Variants in PLD5 observed in about 807,000 individuals in gnomAD.
PLD5 encodes phospholipase D family member 5, also known as inactive phospholipase D5.
A neutral mutation model predicts 61.1 loss-of-function variants in PLD5; 36 were observed. The observed-to-expected ratio is 0.59, with a 90% CI of 0.45 to 0.78. PLD5 has a LOEUF of 0.78. Among genes scored for constraint, PLD5 ranks in the 30% least tolerant of loss-of-function variants. The probability of loss-of-function intolerance (pLI) is 0.00; values close to 1 mark genes in which losing one functional copy is unlikely to be tolerated. For synonymous variants in PLD5, 243 were observed against 242.8 expected, an observed-to-expected ratio of 1.00 and a Z score of -0.01; for missense variants, 515 against 644.4, an observed-to-expected ratio of 0.80 and a Z score of 2.17.
At chr1:242,293,897 T>C (rs1675508842) in intron 2 of PLD5, among the ~76,000 whole-genome samples, 1 of 152,208 alleles carries the variant, frequency 6.6e-6, no homozygotes, top group Non-Finnish European at 1.5e-5. Flanking sequence ...TTGAAATGAC[T>C]TATTTCTGTG....
intron 1 of PLD5, among the ~76,000 whole-genome samples, chr1:242,433,300 A>G (rs753129497): frequency 6.6e-6 from 1 of 152,188 alleles, no homozygotes; most frequent in Non-Finnish European, 1.5e-5. Context: ...TTAAATATAT[A>G]GTGAAAAGTA....
chr1:242,262,005 GCAT>G (rs1368382938), intron 4 of PLD5, among the ~76,000 whole-genome samples: 2 of 152,082 alleles, frequency 1.3e-5, no homozygotes, highest in Non-Finnish European at 2.9e-5. Context: ...ATATGTGTAG[GCAT>G]CTGAAAGACA....
At chr1:242,151,534 G>A (rs146296885) in intron 5 of PLD5, among the ~76,000 whole-genome samples, 2 of 152,048 alleles carry the variant, frequency 1.3e-5, no homozygotes, top group African/African-American at 2.4e-5. Flanking sequence ...TCTAACTCTT[G>A]TCAATATTCC....
chr1:242,248,107 T>G (rs1376948959), intron 4 of PLD5, among the ~76,000 whole-genome samples: 1 of 152,264 alleles, frequency 6.6e-6, no homozygotes, highest in East Asian at 1.9e-4. Flanking sequence ...CATGGTTATA[T>G]GGTTATTATG....
chr1:242,168,739 T>C (rs944088600), intron 5 of PLD5, among the ~76,000 whole-genome samples: 2 of 152,056 alleles, frequency 1.3e-5, no homozygotes, highest in African/African-American at 2.4e-5. Context: ...ATGTGGTATA[T>C]GAAGTATGCG....
At chr1:242,294,994 A>G (rs1042712966) in intron 2 of PLD5, among the ~76,000 whole-genome samples, 1 of 152,224 alleles carries the variant, frequency 6.6e-6, no homozygotes, top group African/African-American at 2.4e-5. Context: ...ATGGCAGTCA[A>G]TGCACCGACA....
intron 1 of PLD5, among the ~76,000 whole-genome samples, chr1:242,363,701 G>C (rs1379703042): frequency 1.3e-5 from 2 of 151,940 alleles, no homozygotes; most frequent in African/African-American, 4.8e-5. Context: ...AGATTAGTAG[G>C]CACAGATATT....
intron 1 of PLD5, among the ~76,000 whole-genome samples, chr1:242,432,893 TAC>T (rs1665794410): frequency 6.6e-6 from 1 of 152,174 alleles, no homozygotes; most frequent in Non-Finnish European, 1.5e-5. Context: ...GACCAAGAGA[TAC>T]AGAGATGGAA....
At chr1:242,434,134 A>G (rs1665867845) in intron 1 of PLD5, among the ~76,000 whole-genome samples, 1 of 152,236 alleles carries the variant, frequency 6.6e-6, no homozygotes, top group African/African-American at 2.4e-5. Flanking sequence ...CAAGGCTGGA[A>G]ACAAGGAGAC....
chr1:242,276,060 G>A (rs1158773139), intron 3 of PLD5, among the ~76,000 whole-genome samples: 1 of 152,126 alleles, frequency 6.6e-6, no homozygotes, highest in Non-Finnish European at 1.5e-5. Flanking sequence ...GGAAAGAGCT[G>A]GGTGTGCTGG....
chr1:242,236,017 G>C (rs995211630), intron 4 of PLD5: 1 of 152,126 alleles, frequency 6.6e-6, no homozygotes, highest in East Asian at 1.9e-4. Context: ...GTGATATTAG[G>C]TGCCACGGTC....
chr1:242,238,205 G>A (rs949298303), intron 4 of PLD5, among the ~76,000 whole-genome samples: 1 of 152,184 alleles, frequency 6.6e-6, no homozygotes, highest in Non-Finnish European at 1.5e-5. Context: ...TACTAGGCAT[G>A]TCCAGGTATG....
chr1:242,373,501 G>A (rs934510136), intron 1 of PLD5, among the ~76,000 whole-genome samples: 3 of 152,148 alleles, frequency 2.0e-5, no homozygotes, highest in Non-Finnish European at 2.9e-5. Context: ...ACATGCTCAC[G>A]TATGTTTATT....
intron 1 of PLD5, among the ~76,000 whole-genome samples, chr1:242,450,731 T>C (rs182838342): frequency 6.6e-6 from 1 of 152,234 alleles, no homozygotes; most frequent in African/African-American, 2.4e-5. Flanking sequence ...TAGCTGTGAA[T>C]CAACAGAGTC....
At chr1:242,330,906 C>T (rs550627519) in intron 2 of PLD5, among the ~76,000 whole-genome samples, 52 of 152,272 alleles carry the variant, frequency 3.4e-4, no homozygotes, top group African/African-American at 1.1e-3. Flanking sequence ...AATTAAGTGG[C>T]TTTCTCAATT....
intron 1 of PLD5, among the ~76,000 whole-genome samples, chr1:242,474,682 T>C (rs187227866): frequency 5.6e-4 from 86 of 152,274 alleles, no homozygotes; most frequent in African/African-American, 2.0e-3. Flanking sequence ...CTCCTCCCTT[T>C]CTCTGCAGTA....
chr1:242,134,975 G>A (rs1465194287), intron 5 of PLD5, among the ~76,000 whole-genome samples: 1 of 152,206 alleles, frequency 6.6e-6, no homozygotes, highest in Non-Finnish European at 1.5e-5. Context: ...AGTTTTATGT[G>A]TCTTAGTGGA....
At position 242,288,352 on chromosome 1, in the gene PLD5, T is replaced by C. The variant is rs774168699; in HGVS notation, c.495+10A>G. ...GTAAAATCATCACACACACAGAGGA[T>C]GTAGCTTACCTGACATGCTGATGGA... On this transcript the variant is annotated intron_variant, in intron 3 of 9. Transcript: ENST00000536534. 35 of 1,610,614 alleles carry C rather than the reference T, an allele frequency of 2.2e-5. No homozygotes were observed. The highest frequency in any genetic ancestry group is 2.6e-5 in the Non-Finnish European group (31 of 1,179,188).
intron 5 of PLD5, among the ~76,000 whole-genome samples, chr1:242,153,182 T>C (rs561829776): frequency 6.6e-6 from 1 of 152,270 alleles, no homozygotes; most frequent in East Asian, 1.9e-4. Context: ...TTCATATCCT[T>C]TGTCTACTTT....
Sources: allele counts gnomAD v4.1 joint callset (sites outside exome capture counted in the v4.1 genomes callset), GRCh38; gene constraint gnomAD v4.1.1; transcripts MANE v1.5; gene names NCBI Gene and HGNC (gene_info 2026-07-23, HGNC 2026-07-21).